ZNF273: variants seen among roughly 807,000 people sequenced by gnomAD.
The protein encoded by ZNF273 is zinc finger protein 9.
A neutral mutation model predicts 14.9 loss-of-function variants in ZNF273; 11 were observed. That is an observed-to-expected ratio of 0.74 (90% CI 0.46 to 1.22). The LOEUF is 1.22. Among genes scored for constraint, ZNF273 ranks in the 50% most tolerant of loss-of-function variants. The pLI is 0.00. For missense variants in ZNF273, 577 were observed against 660.6 expected, an observed-to-expected ratio of 0.87 and a Z score of 1.39; for synonymous variants, 199 against 223.9, an observed-to-expected ratio of 0.89 and a Z score of 0.99.
upstream of ZNF273, among the ~76,000 whole-genome samples, chr7:64,900,918 C>T (rs145295532): frequency 4.9e-3 from 739 of 152,276 alleles, 1 homozygote; most frequent in Non-Finnish European, 7.1e-3. Context: ...TGCTCTGAAC[C>T]TAACTCTGTG....
intron 3 of ZNF273, among the ~76,000 whole-genome samples, chr7:64,918,851 A>C (rs566005423): frequency 6.6e-6 from 1 of 152,158 alleles, no homozygotes; most frequent in Non-Finnish European, 1.5e-5. Context: ...GGTGAAAGCT[A>C]AAGTCCTATT....
intron 2 of ZNF273, chr7:64,879,353 C>G (rs575001768): frequency 6.6e-6 from 1 of 152,224 alleles, no homozygotes; most frequent in South Asian, 2.1e-4. Context: ...GACTCTAACA[C>G]GGGCCCTCTG....
chr7:64,893,189 AT>A (rs1485955059), downstream of ZNF273, among the ~76,000 whole-genome samples: 1 of 151,940 alleles, frequency 6.6e-6, no homozygotes, highest in Non-Finnish European at 1.5e-5. Flanking sequence ...TCTGTCAAAT[AT>A]TTTTTTTCTA....
At position 64,903,341 on chromosome 7, in the gene ZNF273, A is replaced by C; in HGVS notation, c.24A>C (p.Pro8=). MSSAPRG[P]PSVAPLPAGI... ...CTATGTCCTCTGCTCCTAGAGGTCC[A>C]CCTTCTGTGGCCCCGTTACCTGCAG... Residue 8 remains proline (P), a synonymous_variant, in exon 1 of 4, where the codon CCA becomes CCC. Transcript: ENST00000476120. 1 of 1,613,228 alleles carries C rather than the reference A, an allele frequency of 6.2e-7. No homozygotes were observed. The highest frequency in any genetic ancestry group is 8.5e-7 in the Non-Finnish European group (1 of 1,179,428).
rs532517851 is a variant in ZNF273, at chr7:64,928,120, T to G, written c.792T>G (p.Cys264Trp). 1.9e-5 allele frequency: 30 copies of G among 1,613,352 alleles called. No homozygotes were observed. The highest frequency in any genetic ancestry group is 2.4e-5 in the Non-Finnish European group (28 of 1,179,626). Residue 264 changes from cysteine (C) to tryptophan (W), a missense_variant, in exon 4 of 4, where the codon TGT becomes TGG. This residue lies in a region of ZNF273 where 411 missense variants were observed against 440.4 expected (regional missense o/e 0.93). Coordinates refer to ENST00000476120, the MANE Select transcript of ZNF273 (RefSeq NM_021148.3). ...ATCCTGAAGTGAATCCCTACAAATG[T>G]GAAGAATGTGGCAAAGCCTTTAACC... ...IIHPEVNPYK[C>W]EECGKAFNQS...
chr7:64,919,749 A>G (rs890466913), intron 3 of ZNF273, among the ~76,000 whole-genome samples: 2 of 152,188 alleles, frequency 1.3e-5, no homozygotes, highest in Non-Finnish European at 1.5e-5. Context: ...ATGAAACCAT[A>G]ACATACGCTT....
chr7:64,892,260 G>A (rs1269244631), downstream of ZNF273, among the ~76,000 whole-genome samples: 2 of 152,126 alleles, frequency 1.3e-5, no homozygotes, highest in African/African-American at 2.4e-5. Context: ...TGCCACACTT[G>A]GAAAAACAAT....
intron 1 of ZNF273, among the ~76,000 whole-genome samples, chr7:64,905,460 A>C (rs1057483022): frequency 3.8e-5 from 5 of 132,446 alleles, no homozygotes; most frequent in African/African-American, 1.4e-4. Flanking sequence ...TAACCCGTTG[A>C]GACATTAAGA....
upstream of ZNF273, among the ~76,000 whole-genome samples, chr7:64,900,569 G>T (rs1285254495): frequency 6.6e-6 from 1 of 152,184 alleles, no homozygotes; most frequent in Non-Finnish European, 1.5e-5. Context: ...GTTCAACATG[G>T]AGGCTCCATC....
chr7:64,916,974 G>T, intron 1 of ZNF273: 4 of 1,222,316 alleles, frequency 3.3e-6, no homozygotes, highest in Non-Finnish European at 4.2e-6. Flanking sequence ...TCTTTCTTAG[G>T]TTTCCTTTGT....
upstream of ZNF273, among the ~76,000 whole-genome samples, chr7:64,900,158 G>T (rs183524755): frequency 2.1e-3 from 310 of 146,422 alleles, no homozygotes; most frequent in African/African-American, 7.5e-3. Context: ...ACCAAGTCTC[G>T]CTCTGTCACC....
Position 64,909,835 on chromosome 7 carries a change from G to GGTTT in ZNF273, c.102+6416_102+6417insGTTT, listed in dbSNP as rs1554385429. On this transcript the variant is annotated intron_variant, in intron 1 of 3. Transcript: ENST00000476120. ...TTTTTTTTGCAGCCTTGCAAGCATCGTTTTTTTTTGTTTGTTTGTTTGTTT... is the reference window on the plus strand; with the variant it reads ...TTTTTTTTGCAGCCTTGCAAGCATCGGTTTTTTTTTTTTGTTTGTTTGTTTGTTT... Among the ~76,000 whole-genome samples, 1,309 of 150,228 alleles carry GGTTT rather than the reference G, an allele frequency of 8.7e-3. 15 individuals carry two copies. Among genetic ancestry groups the GGTTT allele is most frequent in the African/African-American group, 0.03 (1,243 of 40,912 alleles).
downstream of ZNF273, among the ~76,000 whole-genome samples, chr7:64,884,703 G>A (rs376400294): frequency 6.6e-6 from 1 of 152,166 alleles, no homozygotes; most frequent in African/African-American, 2.4e-5. Context: ...CAACTCACCA[G>A]ACTGTATTCC....
downstream of ZNF273, among the ~76,000 whole-genome samples, chr7:64,882,218 C>T (rs1021649264): frequency 2.6e-5 from 4 of 152,214 alleles, no homozygotes; most frequent in East Asian, 1.9e-4. Flanking sequence ...TCCCAACCCC[C>T]TGGGACCCGA....
upstream of ZNF273, among the ~76,000 whole-genome samples, chr7:64,899,685 GTT>G (rs1792566788): frequency 6.6e-6 from 1 of 150,702 alleles, no homozygotes; most frequent in Non-Finnish European, 1.5e-5. Context: ...TTTCTATTAA[GTT>G]GTTTAAAGTT....
intron 3 of ZNF273, among the ~76,000 whole-genome samples, chr7:64,895,899 A>G (rs1227846082): frequency 1.4e-4 from 22 of 152,222 alleles, no homozygotes; most frequent in Admixed American, 1.4e-3. Context: ...GTGCTAATAA[A>G]TGCAAACTAC....
At chr7:64,889,150 C>A (rs1583961343), downstream of ZNF273, 2 of 985,822 alleles carry the variant, frequency 2.0e-6, no homozygotes, top group Non-Finnish European at 2.4e-6. This position sits in a 1 kb window ranked among gnomAD's most constrained non-coding sequence, Gnocchi z 4.2. Context: ...AGGGGACGCC[C>A]GGGCTGAGCT....
intron 1 of ZNF273, among the ~76,000 whole-genome samples, chr7:64,908,610 G>A (rs1377362427): frequency 6.6e-6 from 1 of 152,058 alleles, no homozygotes; most frequent in East Asian, 1.9e-4. Context: ...CTGTCACCAC[G>A]CTTGGCTAAT....
At chr7:64,911,097 G>A (rs1438206818) in intron 1 of ZNF273, among the ~76,000 whole-genome samples, 1 of 151,990 alleles carries the variant, frequency 6.6e-6, no homozygotes, top group Non-Finnish European at 1.5e-5. Flanking sequence ...TGCCTAGTTT[G>A]TTGAAGGTTT....
Sources: allele counts gnomAD v4.1 joint callset (sites outside exome capture counted in the v4.1 genomes callset), GRCh38; gene constraint gnomAD v4.1.1; regional missense constraint gnomAD v4.1.1; non-coding constraint Gnocchi (gnomAD v3.1); transcripts MANE v1.5; gene names NCBI Gene and HGNC (gene_info 2026-07-23, HGNC 2026-07-21).